The following PROS1 variants were observed in gnomAD, a reference collection of about 807,000 sequenced individuals.
PROS1 encodes the protein vitamin K-dependent protein S.
PROS1 carries 29 observed loss-of-function variants against 75.9 expected under a neutral mutation model. That is an observed-to-expected ratio of 0.38 (90% confidence interval 0.28 to 0.52). The LOEUF (loss-of-function observed/expected upper bound fraction) is 0.52, where lower values mean the gene tolerates loss of function less well. Among genes scored for constraint, PROS1 ranks in the 20% least tolerant of loss-of-function variants. The probability of loss-of-function intolerance (pLI) is 0.83; values close to 1 mark genes in which losing one functional copy is unlikely to be tolerated. For synonymous variants in PROS1, 245 were observed against 280.6 expected (o/e 0.87, Z 1.27); for missense variants, 680 against 810.3 (o/e 0.84, Z 1.95).
chr3:93,886,368 G>A lies in PROS1; in HGVS notation c.1291C>T (p.Pro431Ser), dbSNP rs765473908. ...ATGAGTTCACTTTCCACTTTCCGAG[G>A]GAATCCTGCAAAGTATACTTTGGTT... ...LETKVYFAGF[P>S]RKVESELIKP... Residue 431 changes from proline (P) to serine (S), a missense_variant, in exon 11 of 15, where the codon CCT (proline) becomes TCT (serine). By Grantham distance (74) the Pro-to-Ser change is moderately conservative. Transcript: ENST00000394236. 2.9e-5 allele frequency: 47 copies of A among 1,613,452 alleles called. No individual in the cohort carries two copies. In the South Asian group the frequency reaches 4.2e-4, roughly 14 times the overall value.
chr3:93,943,205 C>T (rs1709316986), intron 1 of PROS1, among the ~76,000 whole-genome samples: 1 of 152,072 alleles, frequency 6.6e-6, no homozygotes, highest in African/African-American at 2.4e-5. Context: ...GACTAATGAT[C>T]TTTTAAAAGC....
intron 1 of PROS1, among the ~76,000 whole-genome samples, chr3:93,972,413 C>A (rs1352766249): frequency 6.6e-6 from 1 of 152,152 alleles, no homozygotes; most frequent in Non-Finnish European, 1.5e-5. Flanking sequence ...GGAATGTTAG[C>A]AAATTGATAT....
At chr3:93,893,797 G>A (rs892152444) in intron 9 of PROS1, among the ~76,000 whole-genome samples, 3 of 152,140 alleles carry the variant, frequency 2.0e-5, no homozygotes, top group Non-Finnish European at 4.4e-5. Context: ...AGTCACTGTT[G>A]TAGAATACAC....
intron 9 of PROS1, among the ~76,000 whole-genome samples, chr3:93,895,332 C>T (rs1708488610): frequency 1.3e-5 from 2 of 152,108 alleles, no homozygotes; most frequent in South Asian, 2.1e-4. Flanking sequence ...TTATTATTCT[C>T]ATAGCAGGGA....
At chr3:93,883,590 T>C (rs1368844114) in intron 12 of PROS1, among the ~76,000 whole-genome samples, 3 of 150,262 alleles carry the variant, frequency 2.0e-5, no homozygotes, top group African/African-American at 7.4e-5. Context: ...TGAGACTCAG[T>C]CTCAAAAAAA....
At chr3:93,912,328 G>A (rs539751390) in intron 3 of PROS1, among the ~76,000 whole-genome samples, 51 of 152,166 alleles carry the variant, frequency 3.4e-4, no homozygotes, top group African/African-American at 1.2e-3. Context: ...GTTTTATCGG[G>A]TCCTCTCAGA....
In PROS1 at chr3:93,875,624, CTCTATCTATCTATCTATCTA is replaced by C. The variant is rs56899294; in HGVS notation, c.1871-1239_1871-1220del. Among the ~76,000 whole-genome samples, 75 of 148,230 alleles carry C rather than the reference CTCTATCTATCTATCTATCTA, an allele frequency of 5.1e-4. 2 individuals carry two copies. The highest frequency in any genetic ancestry group is 2.7e-3 in the South Asian group (12 of 4,502). On this transcript the variant is annotated intron_variant, in intron 14 of 14. Transcript: ENST00000394236. ...ATAATTAGGCATGCTCACTACTTAC[CTCTATCTATCTATCTATCTA>C]TCTATCTATCTATCTATCTATCTAT...
chr3:93,949,605 A>C (rs1709460372), intron 1 of PROS1, among the ~76,000 whole-genome samples: 1 of 152,152 alleles, frequency 6.6e-6, no homozygotes, highest in Non-Finnish European at 1.5e-5. Flanking sequence ...CAAATCTATA[A>C]GAAAAAAAGC....
intron 1 of PROS1, among the ~76,000 whole-genome samples, chr3:93,956,390 A>G (rs1709598864): frequency 6.6e-6 from 1 of 152,084 alleles, no homozygotes; most frequent in Non-Finnish European, 1.5e-5. Flanking sequence ...CCAGCTACTC[A>G]AGAGGCTGAG....
chr3:93,957,068 G>T (rs562279299), intron 1 of PROS1, among the ~76,000 whole-genome samples: 2 of 151,984 alleles, frequency 1.3e-5, no homozygotes, highest in South Asian at 4.2e-4. Context: ...ATTGATATAA[G>T]CAAAACATTG....
rs928958666 is a variant in PROS1 at position 93,932,290 on chromosome 3, T to C, written c.77-4883A>G. Among the ~76,000 whole-genome samples, 5 of 152,208 alleles carry C rather than the reference T, an allele frequency of 3.3e-5. No individual in the cohort carries two copies. In the East Asian group the frequency reaches 7.7e-4, roughly 23 times the overall value. On this transcript the variant is annotated intron_variant, in intron 1 of 14. Transcript: ENST00000394236. The stretch of plus-strand genomic sequence containing the variant: ...TATATGAATAAGCTAAAATTTAAAG[T>C]TGAGTTAATTTTAGCAAGTTCCCAC...
chr3:93,917,259 T>TG (rs1443018989), intron 3 of PROS1, among the ~76,000 whole-genome samples: 1 of 152,156 alleles, frequency 6.6e-6, no homozygotes, highest in East Asian at 1.9e-4. Context: ...TAATGGGTTA[T>TG]GTGGTTTTTG....
At chr3:93,943,730 G>A (rs1469116160) in intron 1 of PROS1, among the ~76,000 whole-genome samples, 1 of 152,148 alleles carries the variant, frequency 6.6e-6, no homozygotes, top group Non-Finnish European at 1.5e-5. Context: ...CCTGTGACCT[G>A]CACATATAGA....
chr3:93,876,908 A>G, intron 14 of PROS1, 58 bp downstream of exon 14: 1 of 1,122,072 alleles, frequency 8.9e-7, no homozygotes, highest in South Asian at 1.5e-5. Context: ...TATATTTAAA[A>G]TATTATCGGT....
chr3:93,901,043 G>A (rs1268427554), intron 6 of PROS1, 114 bp from the exon 7 acceptor site: 10 of 1,229,282 alleles, frequency 8.1e-6, no homozygotes, highest in Non-Finnish European at 1.1e-5. Flanking sequence ...TGAGATAACA[G>A]ATTGGCCTTT....
intron 2 of PROS1, among the ~76,000 whole-genome samples, chr3:93,926,719 G>A (rs576667828): frequency 3.9e-5 from 6 of 152,296 alleles, no homozygotes; most frequent in Admixed American, 2.0e-4. Flanking sequence ...GCGTGCGCGC[G>A]CACACGCACA....
chr3:93,930,420 A>T (rs1012406364), intron 1 of PROS1, among the ~76,000 whole-genome samples: 1 of 152,238 alleles, frequency 6.6e-6, no homozygotes. Flanking sequence ...GGGGAAAACA[A>T]TAACACTTTC....
chr3:93,929,802 GAAAA>G (rs1709077382), intron 1 of PROS1, among the ~76,000 whole-genome samples: 1 of 152,116 alleles, frequency 6.6e-6, no homozygotes, highest in Non-Finnish European at 1.5e-5. Flanking sequence ...GCTTTTTAAT[GAAAA>G]ATGTAAAAAA....
At chr3:93,890,411 C>G (rs1019816142) in intron 10 of PROS1, among the ~76,000 whole-genome samples, 9 of 152,096 alleles carry the variant, frequency 5.9e-5, no homozygotes, top group African/African-American at 1.9e-4. Context: ...GATCTTTGGT[C>G]TCCTTTTTGC....
Sources: allele counts gnomAD v4.1 joint callset (sites outside exome capture counted in the v4.1 genomes callset), GRCh38; gene constraint gnomAD v4.1.1; transcripts MANE v1.5; gene names NCBI Gene and HGNC (gene_info 2026-07-23, HGNC 2026-07-21).